TTI1: variants seen among roughly 807,000 people sequenced by gnomAD.
TTI1 encodes TELO2-interacting protein 1 homolog.
TTI1 carries 52 observed loss-of-function variants against 85.4 expected under a neutral mutation model. That is an observed-to-expected ratio of 0.61 (90% CI 0.49 to 0.77). The LOEUF (loss-of-function observed/expected upper bound fraction) is 0.77, where lower values mean the gene tolerates loss of function less well. TTI1 is among the 30% of genes least tolerant of loss of function. TTI1 has a pLI of 0.00. For missense variants in TTI1, 1,173 were observed against 1,296.0 expected, an observed-to-expected ratio of 0.91 and a Z score of 1.46; for synonymous variants, 512 against 503.9, an observed-to-expected ratio of 1.02 and a Z score of -0.22.
chr20:38,021,032 T>G (rs1375365648), intron 1 of TTI1, among the ~76,000 whole-genome samples: 1 of 152,212 alleles, frequency 6.6e-6, no homozygotes, highest in East Asian at 1.9e-4. Flanking sequence ...CATATAAGCT[T>G]ATCAAAAGAT....
Position 38,011,836 on chromosome 20 carries a change from C to T in TTI1, c.1981G>A (p.Gly661Arg), listed in dbSNP as rs2073596340. The change falls in exon 2 of 8, where the codon GGA becomes AGA. Residue 661 changes from glycine to arginine, a missense_variant. Physicochemically the swap from Gly to Arg is moderately radical, Grantham distance 125 (BLOSUM62 -2). Transcript: ENST00000373447. ...TGACTAATGAGTAGGGTTTGGTCTC[C>T]AGCCTTCTCCAGTACTGGATAAAGG... ...SALYPVLEKA[G>R]DQTLLISQVA... 3.1e-6 allele frequency: 5 copies of T among 1,614,212 alleles called. No homozygotes were observed. Among genetic ancestry groups the T allele is most frequent in the Non-Finnish European group, 3.4e-6 (4 of 1,180,038 alleles).
chr20:38,030,437 C>T (rs1283111939), intron 1 of TTI1, among the ~76,000 whole-genome samples: 1 of 151,164 alleles, frequency 6.6e-6, no homozygotes, highest in Non-Finnish European at 1.5e-5. Flanking sequence ...AAAGGCAATA[C>T]AAAAATTAAA....
rs540169091 is a variant in TTI1 at position 38,005,952 on chromosome 20, C to T, written c.2503+245G>A. On this transcript the variant is annotated intron_variant, in intron 3 of 7. Coordinates refer to ENST00000373447, the MANE Select transcript of TTI1 (RefSeq NM_001303457.2). ...TAAAACGTTAATGATCAAAATTCAA[C>T]GGCAATAAGCAGAGTTGCTTATAAC... 1.2e-3 allele frequency: 525 copies of T among 456,300 alleles called. 12 individuals carry two copies. The highest frequency in any genetic ancestry group is 0.011 in the South Asian group (507 of 45,594). The allele number at this position is 456,300 out of a possible 1,614,324, so 28.3% of individuals were successfully genotyped here.
At chr20:38,003,643 T>C (rs986355578) in intron 3 of TTI1, among the ~76,000 whole-genome samples, 1 of 151,630 alleles carries the variant, frequency 6.6e-6, no homozygotes, top group Non-Finnish European at 1.5e-5. Flanking sequence ...TCTTAACTAC[T>C]TGGGAGGGTG....
chr20:38,013,196 G>A lies in TTI1; in HGVS notation c.621C>T (p.Ala207=). 1 of 1,614,114 alleles carries A rather than the reference G, an allele frequency of 6.2e-7. No homozygotes were observed. Among genetic ancestry groups the A allele is most frequent in the Non-Finnish European group, 8.5e-7 (1 of 1,180,040 alleles). Residue 207 remains alanine (A), a synonymous_variant, in exon 2 of 8, where the codon GCC becomes GCT. Transcript: ENST00000373447. The stretch of plus-strand genomic sequence containing the variant: ...CAGTTGAGATTCCAGGTAAAAAAGA[G>A]GCAAACAAATCCCCCAGCTGCTTTT... ...LEQKQLGDLF[A]SFLPGISTAL...
chr20:37,988,558 C>T (rs2073222441), intron 7 of TTI1, among the ~76,000 whole-genome samples: 1 of 152,192 alleles, frequency 6.6e-6, no homozygotes, highest in African/African-American at 2.4e-5. Context: ...CTTCCTGTGT[C>T]AATTACTTGC....
chr20:38,005,566 T>G (rs1182175364), intron 3 of TTI1, among the ~76,000 whole-genome samples: 4 of 152,024 alleles, frequency 2.6e-5, no homozygotes, highest in Non-Finnish European at 5.9e-5. Flanking sequence ...AAATGCAAGG[T>G]AGATAACAAG....
intron 5 of TTI1, 122 bp from the exon 6 acceptor site, chr20:37,997,075 T>C (rs2073353411): frequency 1.8e-6 from 2 of 1,086,102 alleles, no homozygotes; most frequent in South Asian, 1.7e-5. Flanking sequence ...ATAGAATTAC[T>C]GCTGTTAATT....
At chr20:37,994,754 G>A (rs2073315261) in intron 7 of TTI1, among the ~76,000 whole-genome samples, 1 of 152,164 alleles carries the variant, frequency 6.6e-6, no homozygotes, top group South Asian at 2.1e-4. Flanking sequence ...GCAAACAAAG[G>A]GAGCTGCGGT....
chr20:38,020,448 T>C (rs2073755426), intron 1 of TTI1, among the ~76,000 whole-genome samples: 2 of 149,124 alleles, frequency 1.3e-5, no homozygotes, highest in African/African-American at 2.5e-5. Flanking sequence ...TCTGTGATCC[T>C]GGAGTAGGCA....
At chr20:38,026,998 G>C (rs916373956) in intron 1 of TTI1, among the ~76,000 whole-genome samples, 11 of 151,994 alleles carry the variant, frequency 7.2e-5, no homozygotes, top group Non-Finnish European at 1.3e-4. Context: ...CCACTAAAAG[G>C]GCTACATACA....
At chr20:37,985,231 G>A (rs932133338) in intron 7 of TTI1, among the ~76,000 whole-genome samples, 2 of 152,196 alleles carry the variant, frequency 1.3e-5, no homozygotes, top group Admixed American at 6.5e-5. Flanking sequence ...AGTCTAGCAC[G>A]TGATCCCTAT....
intron 3 of TTI1, among the ~76,000 whole-genome samples, chr20:38,003,801 C>G (rs1022488510): frequency 1.3e-5 from 2 of 151,876 alleles, no homozygotes; most frequent in African/African-American, 4.8e-5. Flanking sequence ...TGTGGAGGAG[C>G]CTTGAAGCTG....
chr20:38,022,746 G>C (rs922851773), intron 1 of TTI1, among the ~76,000 whole-genome samples: 1 of 152,180 alleles, frequency 6.6e-6, no homozygotes, highest in Admixed American at 6.5e-5. Flanking sequence ...AACTGGGACA[G>C]AGGGAACATG....
chr20:37,987,414 T>C (rs1169060982), intron 7 of TTI1: 1 of 445,286 alleles, frequency 2.2e-6, no homozygotes, highest in South Asian at 1.6e-5. Context: ...ACATACCAAA[T>C]GGCCAGTTCC....
chr20:37,997,675 A>G (rs1449638826), intron 5 of TTI1, among the ~76,000 whole-genome samples: 2 of 152,328 alleles, frequency 1.3e-5, no homozygotes, highest in East Asian at 3.9e-4. Context: ...TAACCAGCAC[A>G]GTGTTTGCTC....
intron 1 of TTI1, among the ~76,000 whole-genome samples, chr20:38,020,323 A>AAATATATATATATATATATATAT: frequency 1.6e-4 from 8 of 50,384 alleles, no homozygotes; most frequent in Admixed American, 6.4e-4. Context: ...AAAAAAAAAA[A>AAATATATATATATATATATATAT]ATATATATAT....
intron 2 of TTI1, among the ~76,000 whole-genome samples, chr20:38,011,203 A>G (rs1419528132): frequency 6.6e-6 from 1 of 152,234 alleles, no homozygotes; most frequent in Non-Finnish European, 1.5e-5. Context: ...TCATTTATTA[A>G]TTGTGTGACC....
rs1310668731 is a variant in TTI1 at position 38,011,563 on chromosome 20, T to C, written c.2254A>G (p.Arg752Gly). The C allele has an allele frequency of 6.2e-7, 1 of 1,614,208 alleles. No homozygotes were observed. Among genetic ancestry groups the C allele is most frequent in the Non-Finnish European group, 8.5e-7 (1 of 1,180,026 alleles). ...AGAACGCTGACAAAGGAAGCAGCTC[T>C]CTTATCGTAAAATTGGTCCAGGGTG... ...LATLDQFYDK[R>G]AASFVSVLHA... The change falls in exon 2 of 8, where the codon AGA becomes GGA. Residue 752 changes from arginine (R) to glycine (G), a missense_variant. Transcript: ENST00000373447.
Sources: allele counts gnomAD v4.1 joint callset (sites outside exome capture counted in the v4.1 genomes callset), GRCh38; gene constraint gnomAD v4.1.1; transcripts MANE v1.5; gene names NCBI Gene and HGNC (gene_info 2026-07-23, HGNC 2026-07-21).